CALD1: variants seen among roughly 807,000 people sequenced by gnomAD.
CALD1 encodes caldesmon 1.
CALD1 carries 33 observed loss-of-function variants against 99.9 expected under a neutral mutation model. The observed-to-expected ratio is 0.33, with a 90% CI of 0.25 to 0.44. The LOEUF (loss-of-function observed/expected upper bound fraction) is 0.44. CALD1 is among the 20% of genes least tolerant of loss of function. The pLI, the probability that CALD1 is intolerant of heterozygous loss-of-function variation, is 1.00. For synonymous variants in CALD1, 310 were observed against 325.0 expected (o/e 0.95, Z 0.50); for missense variants, 861 against 962.1 (o/e 0.89, Z 1.39).
At chr7:134,833,161 T>G (rs1384485111) in intron 1 of CALD1, among the ~76,000 whole-genome samples, 1 of 152,250 alleles carries the variant, frequency 6.6e-6, no homozygotes, top group African/African-American at 2.4e-5. Flanking sequence ...TAATTTATCT[T>G]TTTCACTTAA....
intron 1 of CALD1, among the ~76,000 whole-genome samples, chr7:134,780,667 T>C (rs75671374): frequency 0.023 from 3,470 of 152,222 alleles, 133 homozygotes; most frequent in African/African-American, 0.079. Context: ...TAGAAAGAGC[T>C]GATGGCAAGG....
intron 3 of CALD1, among the ~76,000 whole-genome samples, chr7:134,871,686 A>G (rs1195880353): frequency 2.0e-5 from 3 of 152,170 alleles, no homozygotes; most frequent in African/African-American, 7.2e-5. Context: ...CAGAGAAGAG[A>G]AAGTCCATTG....
chr7:134,736,653 CAG>C, the CALD1 span, among the ~76,000 whole-genome samples: 2 of 152,204 alleles, frequency 1.3e-5, no homozygotes, highest in Non-Finnish European at 2.9e-5. Context: ...CTTAAATACC[CAG>C]AGAACAAAGA....
intron 3 of CALD1, among the ~76,000 whole-genome samples, chr7:134,911,898 A>G (rs1803840876): frequency 6.6e-6 from 1 of 152,228 alleles, no homozygotes; most frequent in Non-Finnish European, 1.5e-5. Flanking sequence ...CAATAGAGCA[A>G]TATGTGATAA....
intron 3 of CALD1, among the ~76,000 whole-genome samples, chr7:134,904,068 CA>C (rs1209942294): frequency 6.6e-6 from 1 of 151,598 alleles, no homozygotes; most frequent in Admixed American, 6.6e-5. Flanking sequence ...ACTAAAAATA[CA>C]AAAATTAACC....
intron 2 of CALD1, among the ~76,000 whole-genome samples, chr7:134,848,620 G>A (rs900761945): frequency 6.6e-6 from 1 of 152,100 alleles, no homozygotes; most frequent in African/African-American, 2.4e-5. Flanking sequence ...CAAACATACT[G>A]CATTCATGTT....
intron 3 of CALD1, among the ~76,000 whole-genome samples, chr7:134,903,453 T>C (rs962574012): frequency 2.0e-5 from 3 of 152,132 alleles, no homozygotes; most frequent in African/African-American, 4.8e-5. Context: ...GTAAAACTCC[T>C]CTACAAAAAT....
intron 1 of CALD1, among the ~76,000 whole-genome samples, chr7:134,828,799 C>T (rs1329685797): frequency 6.6e-6 from 1 of 152,162 alleles, no homozygotes; most frequent in East Asian, 1.9e-4. Flanking sequence ...TTTAGGTCTG[C>T]CCCTGGTTGC....
chr7:134,839,971 T>G (rs1799588326), intron 1 of CALD1, among the ~76,000 whole-genome samples: 2 of 152,222 alleles, frequency 1.3e-5, no homozygotes, highest in African/African-American at 4.8e-5. Context: ...GTGTGGAAAT[T>G]TTTATATATT....
intron 1 of CALD1, among the ~76,000 whole-genome samples, chr7:134,841,614 G>T (rs1028427146): frequency 6.6e-6 from 1 of 152,178 alleles, no homozygotes; most frequent in Non-Finnish European, 1.5e-5. Context: ...AAAAGGGAGT[G>T]GGGAACCTCC....
chr7:134,893,321 T>A (rs1349016632), intron 3 of CALD1, among the ~76,000 whole-genome samples: 1 of 152,190 alleles, frequency 6.6e-6, no homozygotes, highest in Non-Finnish European at 1.5e-5. Context: ...CCATTCTCCT[T>A]ACTACAGCAT....
chr7:134,808,103 CTTTT>C (rs35834412), intron 1 of CALD1, among the ~76,000 whole-genome samples: 2 of 142,184 alleles, frequency 1.4e-5, no homozygotes. Context: ...CCCATTCCAT[CTTTT>C]TTTTTTTTTT....
In CALD1 at chr7:134,867,585, G is replaced by T. The variant is rs188395866; in HGVS notation, c.-41-108G>T. ...TGGCTACCTTATCAGCTTTCTAAGAGTAAAGAAAAATCAGGAGAATGACAA... is the reference window on the plus strand; with the variant it reads ...TGGCTACCTTATCAGCTTTCTAAGATTAAAGAAAAATCAGGAGAATGACAA... On this transcript the variant is annotated intron_variant, in intron 2 of 14. Transcript: ENST00000361675. The T allele has an allele frequency of 8.1e-6, 4 of 491,120 alleles. No individual in the cohort carries two copies. The Admixed American group carries it at 1.5e-4, about 19-fold the overall frequency. 30.4% of individuals were successfully genotyped at this position (491,120 alleles called of 1,614,324 possible).
intron 2 of CALD1, among the ~76,000 whole-genome samples, chr7:134,853,874 C>G (rs1800184876): frequency 2.5e-5 from 1 of 39,816 alleles, no homozygotes; most frequent in Non-Finnish European, 5.0e-5. Context: ...CCACCCCCAC[C>G]CCGACAGGTC....
intron 3 of CALD1, among the ~76,000 whole-genome samples, chr7:134,871,239 G>GA (rs748548227): frequency 5.3e-5 from 8 of 151,616 alleles, no homozygotes; most frequent in Non-Finnish European, 8.8e-5. Context: ...TTTCTGTTTT[G>GA]AAAAAAAATA....
At chr7:134,878,477 G>A (rs551567132) in intron 3 of CALD1, among the ~76,000 whole-genome samples, 2 of 152,258 alleles carry the variant, frequency 1.3e-5, no homozygotes, top group Admixed American at 1.3e-4. Context: ...GCTGAGGCAG[G>A]AGAATCACTT....
intron 3 of CALD1, among the ~76,000 whole-genome samples, chr7:134,882,821 A>G (rs1206113248): frequency 2.6e-5 from 4 of 152,252 alleles, no homozygotes; most frequent in African/African-American, 9.6e-5. Context: ...TGGTTTTCCA[A>G]TATTGGGATG....
the CALD1 span, among the ~76,000 whole-genome samples, chr7:134,712,934 G>A: frequency 1.3e-4 from 20 of 152,244 alleles, no homozygotes; most frequent in South Asian, 2.1e-4. Context: ...TTGAACTAAC[G>A]CAATTCCCAT....
the CALD1 span, among the ~76,000 whole-genome samples, chr7:134,712,740 A>G: frequency 6.6e-6 from 1 of 152,220 alleles, no homozygotes; most frequent in Non-Finnish European, 1.5e-5. Context: ...TCAGAGAGTC[A>G]GTCTTTTAGC....
Sources: allele counts gnomAD v4.1 joint callset (sites outside exome capture counted in the v4.1 genomes callset), GRCh38; gene constraint gnomAD v4.1.1; transcripts MANE v1.5; gene names NCBI Gene and HGNC (gene_info 2026-07-23, HGNC 2026-07-21).